Variants in ANO2 observed in about 807,000 individuals in gnomAD.
The protein encoded by ANO2 is anoctamin-2.
A neutral mutation model predicts 124.2 loss-of-function variants in ANO2; 101 were observed. The observed-to-expected ratio is 0.81, with a 90% CI of 0.69 to 0.96. The LOEUF is 0.96. Among genes scored for constraint, ANO2 ranks in the 40% least tolerant of loss-of-function variants. The pLI is 0.00. For missense variants in ANO2, 1,293 were observed against 1,274.5 expected (o/e 1.01, Z -0.22); for synonymous variants, 486 against 482.5 (o/e 1.01, Z -0.09).
intron 20 of ANO2, among the ~76,000 whole-genome samples, chr12:5,588,658 T>C (rs933631670): frequency 6.6e-6 from 1 of 152,180 alleles, no homozygotes. Flanking sequence ...CATTTGTGTA[T>C]GCTGAAACGT....
At chr12:5,780,087 A>G (rs1421018239) in intron 10 of ANO2, among the ~76,000 whole-genome samples, 1 of 152,262 alleles carries the variant, frequency 6.6e-6, no homozygotes, top group Non-Finnish European at 1.5e-5. Flanking sequence ...TTGTTTTTAG[A>G]AAATACACAC....
chr12:5,612,835 T>C, intron 18 of ANO2, 66 bp downstream of exon 18: 2 of 1,609,888 alleles, frequency 1.2e-6, no homozygotes, highest in East Asian at 4.5e-5. Flanking sequence ...GAAGCCATGC[T>C]GTGCTGGAGA....
At chr12:5,893,273 C>A (rs116786619) in intron 3 of ANO2, among the ~76,000 whole-genome samples, 172 of 152,066 alleles carry the variant, frequency 1.1e-3, no homozygotes, top group African/African-American at 4.0e-3. Flanking sequence ...TTCCTCACAG[C>A]AAAACAAATC....
rs768537967 is a variant in ANO2, at chr12:5,615,251, T to G, written c.1863A>C (p.Lys621Asn). ...CATTGACAAACTTGAGCAAGAAAGC[T>G]TTGAGGATCAGGCGCTCTTCAAAAG... ...EQTFEERLIL[K>N]AFLLKFVNAY... Residue 621 changes from lysine (K) to asparagine (N), a missense_variant, in exon 17 of 25, where the codon AAA (lysine) becomes AAC (asparagine). Transcript: ENST00000682330. 13 of 1,613,772 alleles carry G rather than the reference T, an allele frequency of 8.1e-6. No individual in the cohort carries two copies. The South Asian group carries it at 1.4e-4, about 18-fold the overall frequency.
intron 11 of ANO2, 85 bp downstream of exon 11, chr12:5,750,751 G>C: frequency 7.3e-7 from 1 of 1,375,608 alleles, no homozygotes; most frequent in East Asian, 2.3e-5. Context: ...TTTGGAAAGA[G>C]GCATGTGAAA....
At chr12:5,704,947 C>G (rs1949547631) in intron 14 of ANO2, among the ~76,000 whole-genome samples, 1 of 152,132 alleles carries the variant, frequency 6.6e-6, no homozygotes, top group Admixed American at 6.5e-5. Context: ...ACTGATATAT[C>G]AATTGTCTGT....
chr12:5,677,947 T>C (rs115419871), intron 14 of ANO2, among the ~76,000 whole-genome samples: 1,697 of 152,058 alleles, frequency 0.011, 35 homozygotes, highest in African/African-American at 0.039. Context: ...GAATGGAAGG[T>C]TGTGAAAACA....
Position 5,887,688 on chromosome 12 carries a change from AC to A in ANO2, c.534+33351del, listed in dbSNP as rs1382339299. Among the ~76,000 whole-genome samples the A allele has an allele frequency of 1.1e-4, 16 of 152,310 alleles. No individual in the cohort carries two copies. In the South Asian group the frequency reaches 2.5e-3, roughly 24 times the overall value. ...AGGAAGGAGAGAGAGAAGGATGGAG[AC>A]CCTTGGGAAGGAAGCAGAGAAGCTA... On this transcript the variant is annotated intron_variant, in intron 3 of 24. Coordinates refer to ENST00000682330, the MANE Select transcript of ANO2 (RefSeq NM_001364791.2).
At chr12:5,842,466 CTT>C (rs1954543433) in intron 4 of ANO2, among the ~76,000 whole-genome samples, 1 of 152,140 alleles carries the variant, frequency 6.6e-6, no homozygotes, top group Non-Finnish European at 1.5e-5. Flanking sequence ...ATGCCCTGCC[CTT>C]TTCTCGCAGG....
intron 3 of ANO2, among the ~76,000 whole-genome samples, chr12:5,906,813 A>G (rs1234600197): frequency 6.6e-6 from 1 of 151,662 alleles, no homozygotes; most frequent in African/African-American, 2.4e-5. Flanking sequence ...AAATAAATAA[A>G]TAAATAAAAA....
intron 15 of ANO2, among the ~76,000 whole-genome samples, chr12:5,639,577 C>G (rs929056577): frequency 2.0e-5 from 3 of 152,064 alleles, no homozygotes; most frequent in African/African-American, 4.8e-5. Context: ...GGGAAAGAGA[C>G]AGCTGAGAAA....
intron 14 of ANO2, among the ~76,000 whole-genome samples, chr12:5,727,558 G>T (rs542510776): frequency 6.8e-6 from 1 of 146,854 alleles, no homozygotes; most frequent in Admixed American, 6.8e-5. Context: ...GAGACTTACA[G>T]TGACTTAATG....
intron 10 of ANO2, among the ~76,000 whole-genome samples, chr12:5,756,222 C>A (rs1951576045): frequency 6.6e-6 from 1 of 151,812 alleles, no homozygotes; most frequent in Non-Finnish European, 1.5e-5. Context: ...TTTATTATTT[C>A]TATATGTTTG....
chr12:5,675,146 T>C (rs777201008), intron 14 of ANO2, among the ~76,000 whole-genome samples: 9 of 152,186 alleles, frequency 5.9e-5, no homozygotes, highest in African/African-American at 7.2e-5. Context: ...AAGATGGAAT[T>C]TGAGCCTAGG....
At chr12:5,935,532 T>C (rs1942610810) in intron 1 of ANO2, among the ~76,000 whole-genome samples, 1 of 152,218 alleles carries the variant, frequency 6.6e-6, no homozygotes, top group Non-Finnish European at 1.5e-5. Flanking sequence ...AGATCGCTCT[T>C]ATTCAAAACC....
At chr12:5,569,521 T>C (rs1941975245) in intron 23 of ANO2, among the ~76,000 whole-genome samples, 1 of 152,196 alleles carries the variant, frequency 6.6e-6, no homozygotes, top group Non-Finnish European at 1.5e-5. Flanking sequence ...CTTCCAATAA[T>C]GAGACAACTA....
chr12:5,780,535 C>T (rs889682916), intron 10 of ANO2, among the ~76,000 whole-genome samples: 2 of 152,240 alleles, frequency 1.3e-5, no homozygotes, highest in African/African-American at 2.4e-5. Context: ...TCCATTAGCA[C>T]ATCCTAGCTC....
chr12:5,879,283 A>G (rs12315668), intron 3 of ANO2, among the ~76,000 whole-genome samples: 2,972 of 152,356 alleles, frequency 0.02, 90 homozygotes, highest in African/African-American at 0.068. Context: ...CTCAAGCCCA[A>G]GAAACAAAGC....
At chr12:5,583,457 T>G (rs924373637) in intron 20 of ANO2, among the ~76,000 whole-genome samples, 2 of 151,652 alleles carry the variant, frequency 1.3e-5, no homozygotes, top group South Asian at 2.1e-4. Flanking sequence ...ATCGAGACCA[T>G]CTTGGCTAAC....
Sources: allele counts gnomAD v4.1 joint callset (sites outside exome capture counted in the v4.1 genomes callset), GRCh38; gene constraint gnomAD v4.1.1; transcripts MANE v1.5; gene names NCBI Gene and HGNC (gene_info 2026-07-23, HGNC 2026-07-21).